Variants in LRRC2 observed in about 807,000 individuals in gnomAD.
The protein encoded by LRRC2 is leucine-rich repeat-containing protein 2.
LRRC2 carries 27 observed loss-of-function variants against 40.2 expected under a neutral mutation model. The ratio of observed to expected loss-of-function variants is 0.67; its 90% CI spans 0.49 to 0.93. LRRC2 has a LOEUF of 0.93. LRRC2 is among the 40% of genes least tolerant of loss of function. The pLI is 0.00. For synonymous variants in LRRC2, 147 were observed against 158.9 expected (o/e 0.92, Z 0.56); for missense variants, 402 against 439.6 (o/e 0.91, Z 0.76).
chr3:46,544,380 A>G (rs1177654705), intron 3 of LRRC2, among the ~76,000 whole-genome samples: 1 of 152,202 alleles, frequency 6.6e-6, no homozygotes, highest in East Asian at 1.9e-4. Flanking sequence ...TTAGCCAGGC[A>G]TGGTGGCACA....
intron 5 of LRRC2, among the ~76,000 whole-genome samples, chr3:46,530,972 C>G (rs2888531): frequency 1.3e-5 from 2 of 151,926 alleles, no homozygotes; most frequent in African/African-American, 4.8e-5. Flanking sequence ...GAAATAATAT[C>G]GTTAAGGATA....
chr3:46,564,572 G>A (rs1242877473), intron 1 of LRRC2, among the ~76,000 whole-genome samples: 1 of 152,100 alleles, frequency 6.6e-6, no homozygotes, highest in African/African-American at 2.4e-5. Flanking sequence ...ACAAAGTCTG[G>A]GAGGAGACTC....
intron 1 of LRRC2, among the ~76,000 whole-genome samples, chr3:46,564,805 C>T (rs1451399709): frequency 6.6e-6 from 1 of 152,222 alleles, no homozygotes; most frequent in Non-Finnish European, 1.5e-5. Context: ...AGCACCCTTC[C>T]AGGCGTGTCA....
chr3:46,529,426 T>A, intron 6 of LRRC2, among the ~76,000 whole-genome samples: 2 of 152,218 alleles, frequency 1.3e-5, no homozygotes, highest in South Asian at 4.1e-4. Context: ...AAAATAAAAA[T>A]TTAAAAATAT....
At chr3:46,547,682 T>A (rs1704557368) in intron 2 of LRRC2, among the ~76,000 whole-genome samples, 1 of 128,436 alleles carries the variant, frequency 7.8e-6, no homozygotes. Flanking sequence ...AAAAAAAATA[T>A]ATATATAACA....
intron 7 of LRRC2, among the ~76,000 whole-genome samples, chr3:46,522,367 T>G (rs1703978306): frequency 7.1e-6 from 1 of 140,492 alleles, no homozygotes; most frequent in Non-Finnish European, 1.5e-5. Flanking sequence ...AGAGCGAGAC[T>G]CAATCTCAAA....
Position 46,551,583 on chromosome 3 carries a change from A to C in LRRC2, c.9T>G (p.His3Gln). ...CAGAAATGTCGAAGACAACCACTTTATGTCCCATTTTGGGAGCATGAAATT... is the reference window on the plus strand; with the variant it reads ...CAGAAATGTCGAAGACAACCACTTTCTGTCCCATTTTGGGAGCATGAAATT... MG[H>Q]KVVVFDISVI... The change falls in exon 2 of 9, where the codon CAT becomes CAG. Residue 3 changes from histidine (H) to glutamine (Q), a missense_variant. Physicochemically the swap from His to Gln is conservative, Grantham distance 24 (BLOSUM62 0). Transcript: ENST00000395905. 1 of 1,612,158 alleles carries C rather than the reference A, an allele frequency of 6.2e-7. No homozygotes were observed. Among genetic ancestry groups the C allele is most frequent in the Non-Finnish European group, 8.5e-7 (1 of 1,179,450 alleles).
chr3:46,519,746 CCTT>C (rs1703932290), intron 8 of LRRC2, among the ~76,000 whole-genome samples: 1 of 152,224 alleles, frequency 6.6e-6, no homozygotes, highest in Non-Finnish European at 1.5e-5. Context: ...ACATCCTTAT[CCTT>C]CTTGAATCAC....
In LRRC2 at chr3:46,538,982, C is replaced by G. The variant is rs1384242087; in HGVS notation, c.490+63G>C. 7 of 1,540,986 alleles carry G rather than the reference C, an allele frequency of 4.5e-6. No homozygotes were observed. In the African/African-American group the frequency reaches 6.9e-5, roughly 15 times the overall value. On this transcript the variant is annotated intron_variant, in intron 4 of 8. Coordinates refer to ENST00000395905, the MANE Select transcript of LRRC2 (RefSeq NM_024512.5). ...CACGGTGTCTGCACAGTGTCTGTCA[C>G]CTGCCTGACAGCTGCCTGCTTAACA...
intron 7 of LRRC2, among the ~76,000 whole-genome samples, chr3:46,526,045 C>T (rs965263997): frequency 4.6e-5 from 7 of 151,828 alleles, no homozygotes; most frequent in Admixed American, 1.3e-4. Flanking sequence ...TTCCGCCTCC[C>T]GGTTTCAAGC....
chr3:46,559,658 C>G (rs924162069), intron 1 of LRRC2: 4 of 152,138 alleles, frequency 2.6e-5, no homozygotes, highest in African/African-American at 9.7e-5. Context: ...TTCTTAATGT[C>G]TTTGTGTTCT....
At chr3:46,535,657 G>A (rs1201373223) in intron 4 of LRRC2, among the ~76,000 whole-genome samples, 4 of 152,120 alleles carry the variant, frequency 2.6e-5, no homozygotes, top group Non-Finnish European at 5.9e-5. Context: ...AGAATCTTAG[G>A]TCAGTCTTCA....
intron 4 of LRRC2, among the ~76,000 whole-genome samples, chr3:46,534,472 G>GTTTC (rs1227410151): frequency 1.2e-4 from 10 of 81,646 alleles, no homozygotes; most frequent in Admixed American, 3.7e-4. Context: ...TTCTTTCTTT[G>GTTTC]TTTCTTTCTT....
chr3:46,519,371 A>T (rs751366315), intron 8 of LRRC2, among the ~76,000 whole-genome samples: 3 of 152,224 alleles, frequency 2.0e-5, no homozygotes, highest in Admixed American at 6.5e-5. Context: ...CTACAGTATT[A>T]ATAGTTGACA....
At chr3:46,544,928 G>A (rs1442135798) in intron 3 of LRRC2, 118 bp downstream of exon 3, 25 of 978,244 alleles carry the variant, frequency 2.6e-5, no homozygotes, top group Non-Finnish European at 3.5e-5. Flanking sequence ...GTTTCACTGA[G>A]GAAGGGACAG....
chr3:46,550,670 C>A (rs566249768), intron 2 of LRRC2, among the ~76,000 whole-genome samples: 1 of 152,172 alleles, frequency 6.6e-6, no homozygotes, highest in Non-Finnish European at 1.5e-5. Context: ...GGATTACAGG[C>A]GTGAGCCACT....
chr3:46,559,366 AAAGTT>A (rs1434982502), intron 1 of LRRC2: 2 of 152,270 alleles, frequency 1.3e-5, no homozygotes, highest in Non-Finnish European at 2.9e-5. Context: ...AAGCCAAAGT[AAAGTT>A]AACTGTATTT....
chr3:46,544,467 G>GAACAA (rs760595239), intron 3 of LRRC2, among the ~76,000 whole-genome samples: 3 of 152,248 alleles, frequency 2.0e-5, no homozygotes, highest in South Asian at 2.1e-4. Flanking sequence ...CAAGACTCTT[G>GAACAA]AACAAAACAA....
intron 8 of LRRC2, 107 bp downstream of exon 8, chr3:46,521,415 C>A: frequency 1.3e-6 from 1 of 779,464 alleles, no homozygotes; most frequent in Non-Finnish European, 2.0e-6. Flanking sequence ...AGTAACGTGC[C>A]CCTCAACCAA....
Sources: gnomAD v4.1 joint callset for allele counts (sites outside exome capture counted in the v4.1 genomes callset) on GRCh38, gnomAD v4.1.1 for gene constraint, MANE v1.5 for transcripts, NCBI Gene and HGNC (gene_info 2026-07-23, HGNC 2026-07-21) for gene names.